The following FGD5 variants were observed in gnomAD, a reference collection of about 807,000 sequenced individuals.
The protein encoded by FGD5 is FYVE, RhoGEF and PH domain containing 5, also known as FYVE, RhoGEF and PH domain-containing protein 5.
Under a neutral mutation model 133.4 loss-of-function variants are expected in FGD5, and 28 were observed. The observed-to-expected ratio is 0.21, with a 90% CI of 0.16 to 0.29. The LOEUF is 0.29. Ranked by LOEUF, FGD5 falls within the 10% of genes least tolerant of loss-of-function variation. FGD5 has a pLI of 1.00. For missense variants in FGD5, 1,858 were observed against 1,895.2 expected, an observed-to-expected ratio of 0.98 and a Z score of 0.36; for synonymous variants, 810 against 776.5, an observed-to-expected ratio of 1.04 and a Z score of -0.72.
intron 9 of FGD5, 29 bp from the exon 10 acceptor site, chr3:14,907,611 T>C (rs1559501550): frequency 1.8e-5 from 29 of 1,607,800 alleles, no homozygotes; most frequent in East Asian, 1.6e-4. Flanking sequence ...GCCCTGACCA[T>C]CTCTCCCTCA....
At chr3:14,854,564 C>T (rs2037238537) in intron 1 of FGD5, among the ~76,000 whole-genome samples, 2 of 151,822 alleles carry the variant, frequency 1.3e-5, no homozygotes, top group Non-Finnish European at 2.9e-5. Flanking sequence ...TACAGGTGTG[C>T]ACCACTGCAC....
intron 1 of FGD5, among the ~76,000 whole-genome samples, chr3:14,859,659 T>C (rs1015102155): frequency 3.3e-5 from 5 of 152,198 alleles, no homozygotes; most frequent in Non-Finnish European, 2.9e-5. Flanking sequence ...GTAATACTTA[T>C]TATTGACTGC....
chr3:14,865,745 C>A (rs1165222334), intron 2 of FGD5, among the ~76,000 whole-genome samples: 1 of 152,228 alleles, frequency 6.6e-6, no homozygotes, highest in Non-Finnish European at 1.5e-5. Flanking sequence ...GGCCACACAG[C>A]TAGTGAATGA....
chr3:14,839,784 T>G (rs539864731), intron 1 of FGD5, among the ~76,000 whole-genome samples: 55 of 151,984 alleles, frequency 3.6e-4, no homozygotes, highest in Non-Finnish European at 7.2e-4. Flanking sequence ...TACAAAAAAA[T>G]TAGCTGGGCG....
chr3:14,831,507 T>C (rs2036706251), intron 1 of FGD5, among the ~76,000 whole-genome samples: 1 of 152,110 alleles, frequency 6.6e-6, no homozygotes, highest in Non-Finnish European at 1.5e-5. Context: ...CCATGACTGC[T>C]CTGGAGTGGT....
At position 14,821,413 on chromosome 3, in the gene FGD5, A is replaced by C. The variant is rs1187194999; in HGVS notation, c.2342A>C (p.Asn781Thr). ...TSDYENIPAM[N>T]SDYENIQIPP... ...GACTATGAGAACATTCCAGCCATGA[A>C]CTCGGACTATGAGAATATCCAGATT... Residue 781 changes from asparagine (N) to threonine (T), a missense_variant, in exon 1 of 20, where the codon AAC becomes ACC. Coordinates refer to ENST00000285046, the MANE Select transcript of FGD5 (RefSeq NM_152536.4). The C allele has an allele frequency of 3.1e-6, 5 of 1,613,750 alleles. No individual in the cohort carries two copies. The highest frequency in any genetic ancestry group is 4.2e-6 in the Non-Finnish European group (5 of 1,179,876).
At chr3:14,872,341 G>GA (rs1349381786) in intron 2 of FGD5, among the ~76,000 whole-genome samples, 14 of 152,214 alleles carry the variant, frequency 9.2e-5, no homozygotes, top group African/African-American at 3.4e-4. Context: ...GAATTTAACT[G>GA]AAAAATGGCA....
At chr3:14,889,199 G>T (rs147983290) in intron 4 of FGD5, among the ~76,000 whole-genome samples, 1 of 152,150 alleles carries the variant, frequency 6.6e-6, no homozygotes, top group Non-Finnish European at 1.5e-5. Flanking sequence ...CCCCAGGGGC[G>T]TATGTTTGTA....
chr3:14,824,432 C>T lies in FGD5; in HGVS notation c.2525+2836C>T, dbSNP rs374449636. Among the ~76,000 whole-genome samples the T allele has an allele frequency of 2.6e-4, 40 of 152,294 alleles. 1 individual carries two copies. The South Asian group carries it at 8.1e-3, about 31-fold the overall frequency. On this transcript the variant is annotated intron_variant, in intron 1 of 19. Transcript: ENST00000285046. Reference sequence around the variant, plus strand: ...GAGGGTGGGGAGGCAGTTCCTTCCTCCGCCTGCTACTTGTCCTGCCCCATA... The same window carrying T: ...GAGGGTGGGGAGGCAGTTCCTTCCTTCGCCTGCTACTTGTCCTGCCCCATA...
intron 4 of FGD5, among the ~76,000 whole-genome samples, chr3:14,888,966 A>G (rs35943694): frequency 0.018 from 2,743 of 152,300 alleles, 39 homozygotes; most frequent in Non-Finnish European, 0.03. Context: ...ATGGGCAGCA[A>G]TCTATGTTTT....
intron 1 of FGD5, among the ~76,000 whole-genome samples, chr3:14,849,078 T>C (rs558570214): frequency 7.2e-5 from 11 of 152,280 alleles, no homozygotes; most frequent in South Asian, 2.1e-4. Context: ...GACAAGAGCA[T>C]GTGTGCACTA....
chr3:14,865,856 G>A (rs1311148286), intron 2 of FGD5, among the ~76,000 whole-genome samples: 2 of 152,212 alleles, frequency 1.3e-5, no homozygotes, highest in Non-Finnish European at 2.9e-5. Context: ...TCCCAAGAAG[G>A]AGTATTGTCT....
At chr3:14,929,568 A>G (rs182903638) in intron 18 of FGD5, among the ~76,000 whole-genome samples, 15 of 152,314 alleles carry the variant, frequency 9.8e-5, no homozygotes, top group African/African-American at 3.1e-4. Context: ...AGGTAACTCA[A>G]TGTTGTTTTA....
At chr3:14,868,665 T>A (rs1305762645) in intron 2 of FGD5, among the ~76,000 whole-genome samples, 1 of 152,210 alleles carries the variant, frequency 6.6e-6, no homozygotes, top group Non-Finnish European at 1.5e-5. Flanking sequence ...AGCCTGTGCT[T>A]CCCACTCCCA....
intron 13 of FGD5, 92 bp from the exon 14 acceptor site, chr3:14,921,826 G>C: frequency 8.3e-7 from 1 of 1,204,872 alleles, no homozygotes; most frequent in South Asian, 1.3e-5. Flanking sequence ...GCAGGCTCAA[G>C]GGGCATCTGA....
At chr3:14,850,100 A>G (rs2125093064) in intron 1 of FGD5, among the ~76,000 whole-genome samples, 1 of 152,352 alleles carries the variant, frequency 6.6e-6, no homozygotes, top group East Asian at 1.9e-4. Flanking sequence ...GGGCAGGAGC[A>G]GTGACTCCCC....
Position 14,819,569 on chromosome 3 carries a change from A to G in FGD5, c.498A>G (p.Glu166=). The change falls in exon 1 of 20, where the codon GAA becomes GAG. Residue 166 remains glutamate (E), a synonymous_variant. Transcript: ENST00000285046. This position sits in a 1 kb window ranked among gnomAD's most constrained non-coding sequence, Gnocchi z 4.1. ...AGCAGGTGTCCAGAAGTGAGGAGGAAGAGAAGCTAGTGCAGCCACACAGGG... is the reference window on the plus strand; with the variant it reads ...AGCAGGTGTCCAGAAGTGAGGAGGAGGAGAAGCTAGTGCAGCCACACAGGG... ...TLEQVSRSEE[E]EKLVQPHREC... 2 of 1,551,302 alleles carry G rather than the reference A, an allele frequency of 1.3e-6. No homozygotes were observed. Among genetic ancestry groups the G allele is most frequent in the Non-Finnish European group, 8.7e-7 (1 of 1,146,844 alleles).
chr3:14,880,479 C>A, intron 2 of FGD5, 93 bp from the exon 3 acceptor site: 2 of 1,221,616 alleles, frequency 1.6e-6, no homozygotes, highest in Non-Finnish European at 2.3e-6. Context: ...AAATGGTCTG[C>A]AAAATGCTTG....
chr3:14,837,452 T>C (rs143118395), intron 1 of FGD5, among the ~76,000 whole-genome samples: 2 of 152,240 alleles, frequency 1.3e-5, no homozygotes, highest in East Asian at 3.9e-4. Context: ...TAATTAGAGC[T>C]AACGGTTGCG....
Sources: allele counts gnomAD v4.1 joint callset (sites outside exome capture counted in the v4.1 genomes callset), GRCh38; gene constraint gnomAD v4.1.1; non-coding constraint Gnocchi (gnomAD v3.1); transcripts MANE v1.5; gene names NCBI Gene and HGNC (gene_info 2026-07-23, HGNC 2026-07-21).